PPP1R9A: variants seen among roughly 807,000 people sequenced by gnomAD.
PPP1R9A encodes neurabin-1.
Under a neutral mutation model 141.9 loss-of-function variants are expected in PPP1R9A, and 59 were observed. That is an observed-to-expected ratio of 0.42 (90% CI 0.34 to 0.52). PPP1R9A has a LOEUF of 0.52. PPP1R9A is among the 20% of genes least tolerant of loss of function. The probability of loss-of-function intolerance (pLI) is 0.10; values close to 1 mark genes in which losing one functional copy is unlikely to be tolerated. For synonymous variants in PPP1R9A, 500 were observed against 569.7 expected (o/e 0.88, Z 1.74); for missense variants, 1,444 against 1,611.9 (o/e 0.90, Z 1.78).
At chr7:95,030,004 T>C (rs903410267) in intron 2 of PPP1R9A, among the ~76,000 whole-genome samples, 1 of 152,216 alleles carries the variant, frequency 6.6e-6, no homozygotes, top group Non-Finnish European at 1.5e-5. Flanking sequence ...AATATGGTAA[T>C]GACAGTGCAA....
At chr7:95,041,789 C>T (rs948319661) in intron 2 of PPP1R9A, among the ~76,000 whole-genome samples, 2 of 152,054 alleles carry the variant, frequency 1.3e-5, no homozygotes, top group South Asian at 2.1e-4. Context: ...TATTACTATA[C>T]ATTATTTTAC....
intron 16 of PPP1R9A, among the ~76,000 whole-genome samples, chr7:95,278,092 G>C (rs1243375960): frequency 6.6e-6 from 1 of 152,192 alleles, no homozygotes; most frequent in Non-Finnish European, 1.5e-5. Context: ...ACAACACTGA[G>C]CTGGAATCCA....
At chr7:95,015,553 A>G (rs776134423) in intron 2 of PPP1R9A, among the ~76,000 whole-genome samples, 4 of 152,152 alleles carry the variant, frequency 2.6e-5, no homozygotes, top group Non-Finnish European at 5.9e-5. Context: ...TAGAGATAAA[A>G]GATTGAGAAA....
At chr7:95,269,778 A>C (rs1245687473) in intron 14 of PPP1R9A, among the ~76,000 whole-genome samples, 2 of 152,178 alleles carry the variant, frequency 1.3e-5, no homozygotes, top group East Asian at 3.8e-4. Flanking sequence ...GGCAGCCCAG[A>C]GTTTCAACAA....
At chr7:95,070,495 C>G (rs1813605946) in intron 2 of PPP1R9A, among the ~76,000 whole-genome samples, 1 of 151,130 alleles carries the variant, frequency 6.6e-6, no homozygotes, top group South Asian at 2.1e-4. Flanking sequence ...AAATAAACAG[C>G]TTTTTTTGTT....
intron 5 of PPP1R9A, among the ~76,000 whole-genome samples, chr7:95,179,628 A>G (rs1254282811): frequency 6.6e-6 from 1 of 151,894 alleles, no homozygotes. Flanking sequence ...AACCCTAAAG[A>G]CTCCTCCAGA....
At chr7:95,058,801 T>A (rs180936537) in intron 2 of PPP1R9A, among the ~76,000 whole-genome samples, 1 of 151,976 alleles carries the variant, frequency 6.6e-6, no homozygotes, top group Admixed American at 6.5e-5. Flanking sequence ...CTTTTCTTTT[T>A]TTTTTTGAGA....
chr7:94,907,520 A>AG, upstream of PPP1R9A: 1 of 152,376 alleles, frequency 6.6e-6, no homozygotes, highest in Admixed American at 6.5e-5. Context: ...CCGAACAGGA[A>AG]GGGGCCTTGC....
chr7:95,269,183 C>A (rs1186131490), intron 13 of PPP1R9A, 24 bp from the exon 14 acceptor site: 5 of 1,494,476 alleles, frequency 3.3e-6, no homozygotes, highest in Non-Finnish European at 4.6e-6. Flanking sequence ...GCATAACCTT[C>A]CTTATAATCT....
intron 4 of PPP1R9A, among the ~76,000 whole-genome samples, chr7:95,138,153 C>T (rs1826015955): frequency 6.6e-6 from 1 of 151,934 alleles, no homozygotes; most frequent in Non-Finnish European, 1.5e-5. Flanking sequence ...AGGATGGTCT[C>T]GATCTCCTGA....
intron 4 of PPP1R9A, among the ~76,000 whole-genome samples, chr7:95,152,464 A>G (rs1828870610): frequency 6.6e-6 from 1 of 152,186 alleles, no homozygotes; most frequent in Non-Finnish European, 1.5e-5. Context: ...ACCCATTTAC[A>G]GCTTCCGTTT....
intron 8 of PPP1R9A, among the ~76,000 whole-genome samples, chr7:95,241,469 T>C (rs1797454750): frequency 1.3e-5 from 2 of 152,142 alleles, no homozygotes; most frequent in Admixed American, 6.5e-5. Context: ...TCATGACTCT[T>C]TTATATTCTA....
At chr7:95,069,292 A>G (rs1813429640) in intron 2 of PPP1R9A, among the ~76,000 whole-genome samples, 1 of 152,162 alleles carries the variant, frequency 6.6e-6, no homozygotes, top group Non-Finnish European at 1.5e-5. Flanking sequence ...GCAGAGGATT[A>G]CACTTTGTTA....
rs189560380 is a variant in PPP1R9A, at chr7:95,024,243, G to C, written c.1396-87016G>C. ...GTAAGTGTGATGTGGTGCTCAGAAT[G>C]TATATTCTGTTGATTTGGGGTGGAG... On this transcript the variant is annotated intron_variant, in intron 2 of 19. Coordinates refer to ENST00000433360, the MANE Select transcript of PPP1R9A (RefSeq NM_001166160.2). Among the ~76,000 whole-genome samples the C allele has an allele frequency of 2.0e-4, 30 of 152,198 alleles. No individual in the cohort carries two copies. In the East Asian group the frequency reaches 2.1e-3, roughly 11 times the overall value.
intron 2 of PPP1R9A, among the ~76,000 whole-genome samples, chr7:94,954,834 CGT>C (rs66968535): frequency 0.037 from 5,364 of 146,316 alleles, 98 homozygotes; most frequent in Non-Finnish European, 0.051. Context: ...TGTAAATATG[CGT>C]GTGTGTGTGT....
chr7:94,985,638 A>T (rs915722274), intron 2 of PPP1R9A, among the ~76,000 whole-genome samples: 1 of 151,816 alleles, frequency 6.6e-6, no homozygotes, highest in Non-Finnish European at 1.5e-5. Flanking sequence ...AGAGACTGGG[A>T]TTGCAACTCC....
chr7:94,948,700 T>C (rs1796143929), intron 2 of PPP1R9A, among the ~76,000 whole-genome samples: 1 of 152,176 alleles, frequency 6.6e-6, no homozygotes, highest in South Asian at 2.1e-4. Context: ...AATCCATCTT[T>C]TGCATCTTGT....
chr7:94,939,142 C>G (rs956955363), intron 2 of PPP1R9A, among the ~76,000 whole-genome samples: 5 of 152,122 alleles, frequency 3.3e-5, no homozygotes, highest in Non-Finnish European at 7.4e-5. Context: ...AGACTCAGCT[C>G]TGGTGCTTAC....
At position 95,286,962 on chromosome 7, in the gene PPP1R9A, A is replaced by G. The variant is rs555586947; in HGVS notation, c.3729+637A>G. 14 of 819,024 alleles carry G rather than the reference A, an allele frequency of 1.7e-5. No homozygotes were observed. In the African/African-American group the frequency reaches 1.9e-4, roughly 11 times the overall value. The allele number at this position is 819,024 out of a possible 1,614,324, so 50.7% of individuals were successfully genotyped here. ...TTTCTAACATGATTTTTTATTCACA[A>G]AACTTTTTTTTTTCTTGTAAGCTTT... On this transcript the variant is annotated intron_variant, in intron 18 of 19. Transcript: ENST00000433360.
Sources: gnomAD v4.1 joint callset for allele counts (sites outside exome capture counted in the v4.1 genomes callset) on GRCh38, gnomAD v4.1.1 for gene constraint, MANE v1.5 for transcripts, NCBI Gene and HGNC (gene_info 2026-07-23, HGNC 2026-07-21) for gene names.